Variants in SMG6 observed in about 807,000 individuals in gnomAD.
SMG6 encodes the protein telomerase-binding protein EST1A.
Under a neutral mutation model 142.2 loss-of-function variants are expected in SMG6, and 66 were observed. That is an observed-to-expected ratio of 0.46 (90% CI 0.38 to 0.57). The LOEUF is 0.57. Among genes scored for constraint, SMG6 ranks in the 20% least tolerant of loss-of-function variants. The probability of loss-of-function intolerance (pLI) is 0.00; values close to 1 mark genes in which losing one functional copy is unlikely to be tolerated. For synonymous variants in SMG6, 779 were observed against 702.4 expected (o/e 1.11, Z -1.72); for missense variants, 1,793 against 1,832.0 (o/e 0.98, Z 0.39).
intron 8 of SMG6, among the ~76,000 whole-genome samples, chr17:2,268,891 G>A (rs562878735): frequency 8.3e-5 from 12 of 143,838 alleles, no homozygotes; most frequent in Non-Finnish European, 1.2e-4. Context: ...CAGCCTGGGC[G>A]ACAGAGTTAG....
At position 2,183,745 on chromosome 17, in the gene SMG6, G is replaced by GACAC. The variant is rs56210030; in HGVS notation, c.3155+2914_3155+2917dup. The stretch of plus-strand genomic sequence containing the variant: ...GCTGATCCCTGATACAGGTGCGTGC[G>GACAC]ACACACACACACACACACACACACA... On this transcript the variant is annotated intron_variant, in intron 12 of 18. Coordinates refer to ENST00000263073, the MANE Select transcript of SMG6 (RefSeq NM_017575.5). Among the ~76,000 whole-genome samples, 284 of 146,438 alleles carry GACAC rather than the reference G, an allele frequency of 1.9e-3. 1 individual carries two copies. Among genetic ancestry groups the GACAC allele is most frequent in the South Asian group, 5.6e-3 (25 of 4,486 alleles).
At chr17:2,240,755 GGAGCACCAGGCACA>G (rs1333554891) in intron 9 of SMG6, among the ~76,000 whole-genome samples, 2 of 152,214 alleles carry the variant, frequency 1.3e-5, no homozygotes, top group Non-Finnish European at 2.9e-5. Context: ...GACGCAGTGT[GGAGCACCAGGCACA>G]GAGCAGACCA....
At chr17:2,240,662 C>T (rs1488566648) in intron 9 of SMG6, among the ~76,000 whole-genome samples, 2 of 152,158 alleles carry the variant, frequency 1.3e-5, no homozygotes, top group Non-Finnish European at 2.9e-5. Context: ...TGAATATTTC[C>T]TCTAAAGCTC....
intron 12 of SMG6, chr17:2,173,120 G>A (rs1466252692): frequency 2.1e-6 from 1 of 480,090 alleles, no homozygotes; most frequent in East Asian, 3.9e-5. Context: ...AGAATTTGGA[G>A]ACTCAGTTGC....
intron 6 of SMG6, among the ~76,000 whole-genome samples, chr17:2,291,078 T>C (rs1390216182): frequency 3.3e-5 from 5 of 152,136 alleles, no homozygotes; most frequent in African/African-American, 4.8e-5. Flanking sequence ...ACGCCTGTAA[T>C]CCCAGCACTT....
chr17:2,278,503 C>G (rs2074711636), intron 8 of SMG6, among the ~76,000 whole-genome samples: 1 of 152,108 alleles, frequency 6.6e-6, no homozygotes, highest in Non-Finnish European at 1.5e-5. Flanking sequence ...CCGTACCCAG[C>G]CTAAACTATA....
intron 13 of SMG6, among the ~76,000 whole-genome samples, chr17:2,144,644 T>C (rs2151582884): frequency 6.6e-6 from 1 of 152,294 alleles, no homozygotes. Flanking sequence ...GCTGCTTTTT[T>C]CCAGAGAGGA....
chr17:2,115,112 A>C (rs1414025884), intron 13 of SMG6, among the ~76,000 whole-genome samples: 2 of 152,084 alleles, frequency 1.3e-5, no homozygotes, highest in African/African-American at 4.8e-5. Flanking sequence ...CAGATGAGGC[A>C]GAAGGAAGAC....
intron 13 of SMG6, among the ~76,000 whole-genome samples, chr17:2,171,381 GTA>G (rs2071498512): frequency 6.8e-6 from 1 of 147,666 alleles, no homozygotes; most frequent in Admixed American, 6.8e-5. Flanking sequence ...GTGTGTGTGT[GTA>G]CTATAAATTA....
At chr17:2,186,976 C>A (rs1236788678) in intron 11 of SMG6, 145 bp from the exon 12 acceptor site, 28 of 804,820 alleles carry the variant, frequency 3.5e-5, no homozygotes, top group African/African-American at 5.2e-5. Flanking sequence ...CAAGCGCCAG[C>A]ACCTAAGAGG....
chr17:2,192,194 A>C (rs2072185107), intron 10 of SMG6, among the ~76,000 whole-genome samples: 1 of 152,238 alleles, frequency 6.6e-6, no homozygotes, highest in Non-Finnish European at 1.5e-5. Flanking sequence ...GGGCCCTCTA[A>C]GCCGAGCCAA....
chr17:2,114,740 C>T (rs2069444997), intron 13 of SMG6, among the ~76,000 whole-genome samples: 1 of 151,646 alleles, frequency 6.6e-6, no homozygotes. Flanking sequence ...ACCATCCTGG[C>T]CAACATGGTG....
chr17:2,300,769 A>G (rs2075263716), intron 1 of SMG6, 105 bp from the exon 2 acceptor site: 2 of 1,044,262 alleles, frequency 1.9e-6, no homozygotes, highest in East Asian at 2.5e-5. Context: ...AAAAAAGTCG[A>G]GCAAGAATTA....
At chr17:2,093,502 A>G (rs947287615) in intron 13 of SMG6, among the ~76,000 whole-genome samples, 2 of 152,076 alleles carry the variant, frequency 1.3e-5, no homozygotes, top group African/African-American at 4.8e-5. Context: ...TCGATAATTG[A>G]GCAGCTGGCA....
chr17:2,249,232 C>G (rs536178531), intron 8 of SMG6, among the ~76,000 whole-genome samples: 227 of 152,066 alleles, frequency 1.5e-3, no homozygotes, highest in African/African-American at 5.3e-3. Context: ...AACCTTAGTC[C>G]GAGCTTCCTT....
At chr17:2,186,873 AG>A (rs1305306717) in intron 11 of SMG6, 42 bp from the exon 12 acceptor site, 1 of 1,600,880 alleles carries the variant, frequency 6.2e-7, no homozygotes. Flanking sequence ...TGTCTGCTGT[AG>A]CCCCCGAGTG....
At chr17:2,168,937 G>C (rs570349479) in intron 13 of SMG6, among the ~76,000 whole-genome samples, 3 of 151,656 alleles carry the variant, frequency 2.0e-5, no homozygotes, top group African/African-American at 7.2e-5. Flanking sequence ...TAGTAGAGAC[G>C]GGGTTTCACA....
chr17:2,199,249 A>T (rs1380773483), intron 10 of SMG6, among the ~76,000 whole-genome samples: 2 of 152,224 alleles, frequency 1.3e-5, no homozygotes, highest in African/African-American at 4.8e-5. Context: ...AGCGGCTTCA[A>T]ACATGAGTCT....
chr17:2,063,073 A>G (rs1219530864), intron 18 of SMG6: 1 of 152,246 alleles, frequency 6.6e-6, no homozygotes, highest in Admixed American at 6.5e-5. Context: ...TGGGGCTCCC[A>G]GCTGACTGGC....
Sources: allele counts gnomAD v4.1 joint callset (sites outside exome capture counted in the v4.1 genomes callset), GRCh38; gene constraint gnomAD v4.1.1; transcripts MANE v1.5; gene names NCBI Gene and HGNC (gene_info 2026-07-23, HGNC 2026-07-21).